Variants in PCSK7 observed in about 807,000 individuals in gnomAD.
PCSK7 encodes proprotein convertase subtilisin/kexin type 7.
A neutral mutation model predicts 73.3 loss-of-function variants in PCSK7; 38 were observed. The observed-to-expected ratio is 0.52, with a 90% CI of 0.40 to 0.68. The LOEUF (loss-of-function observed/expected upper bound fraction) is 0.68. Ranked by LOEUF, PCSK7 falls within the 30% of genes least tolerant of loss-of-function variation. PCSK7 has a pLI of 0.00. For missense variants in PCSK7, 692 were observed against 991.5 expected (o/e 0.70, Z 4.06); for synonymous variants, 296 against 383.8 (o/e 0.77, Z 2.68).
chr11:117,223,400 TG>T (rs1302224603), intron 8 of PCSK7, 92 bp from the exon 9 acceptor site: 65 of 783,498 alleles, frequency 8.3e-5, no homozygotes, highest in Non-Finnish European at 1.4e-4. Flanking sequence ...GTTACCATCC[TG>T]GGGGGCTGTC....
intron 1 of PCSK7, among the ~76,000 whole-genome samples, chr11:117,231,475 CCAGA>C (rs1359832486): frequency 3.3e-5 from 5 of 152,164 alleles, no homozygotes; most frequent in African/African-American, 9.7e-5. Flanking sequence ...CCCTTGTTAG[CCAGA>C]CAGTGGCCCC....
chr11:117,214,557 G>C (rs545761718), intron 12 of PCSK7: 9 of 152,240 alleles, frequency 5.9e-5, no homozygotes, highest in Non-Finnish European at 1.3e-4. Flanking sequence ...TTGCAACAAA[G>C]ACCTCATTAA....
chr11:117,227,596 C>A (rs1372911040), intron 4 of PCSK7, among the ~76,000 whole-genome samples: 1 of 152,190 alleles, frequency 6.6e-6, no homozygotes, highest in East Asian at 1.9e-4. Flanking sequence ...GTGAGCGCCA[C>A]CACACTTGGC....
Position 117,204,998 on chromosome 11 carries a change from G to A in PCSK7, c.*999C>T, listed in dbSNP as rs2031286070. 1 of 197,976 alleles carries A rather than the reference G, an allele frequency of 5.1e-6. No homozygotes were observed. Among genetic ancestry groups the A allele is most frequent in the South Asian group, 1.9e-4 (1 of 5,320 alleles). 12.3% of individuals were successfully genotyped at this position (197,976 alleles called of 1,614,324 possible). ...GGAGAGTGAATCTTGGGGACCGAAGGGAAAAAGGAGCCACTCAGCAGCATG... is the reference window on the plus strand; with the variant it reads ...GGAGAGTGAATCTTGGGGACCGAAGAGAAAAAGGAGCCACTCAGCAGCATG... On this transcript the variant is annotated 3_prime_UTR_variant, in exon 17 of 17. Coordinates refer to ENST00000320934, the MANE Select transcript of PCSK7 (RefSeq NM_004716.4).
chr11:117,219,598 G>T lies in PCSK7; in HGVS notation c.1316C>A (p.Ala439Asp). The T allele has an allele frequency of 6.2e-7, 1 of 1,612,554 alleles. No homozygotes were observed. Among genetic ancestry groups the T allele is most frequent in the Non-Finnish European group, 8.5e-7 (1 of 1,179,464 alleles). ...TACCTGCTGGTATCTCACCCGGGTG[G>T]CTGTGAAGACAATGATGTGCTGGAC... ...RDVQHIIVFT[A>D]TRYEDRRAEW... is the part of the protein sequence containing the mutation. The change falls in exon 10 of 17, where the codon GCC (alanine) becomes GAC (aspartate). Residue 439 changes from alanine (A) to aspartate (D), a missense_variant. Transcript: ENST00000320934.
At chr11:117,227,461 G>A (rs1407321248) in intron 4 of PCSK7, 139 bp from the exon 5 acceptor site, 2 of 723,410 alleles carry the variant, frequency 2.8e-6, no homozygotes, top group East Asian at 5.0e-5. Flanking sequence ...TTCTGTTTTT[G>A]AGATGGAGTC....
At chr11:117,223,891 G>A in intron 8 of PCSK7, 187 bp downstream of exon 8, 4 of 607,830 alleles carry the variant, frequency 6.6e-6, no homozygotes, top group South Asian at 2.0e-5. Context: ...TGGCTTGAAG[G>A]TGTTCCCAGG....
At position 117,207,420 on chromosome 11, in the gene PCSK7, G is replaced by GA. The variant is rs1256637365; in HGVS notation, c.1787-261dup. On this transcript the variant is annotated intron_variant, in intron 14 of 16. Transcript: ENST00000320934. ...TATTTTGGGGGTTCAGCTGGGATTA[G>GA]AAAAAAATGTCTTTCCACCAAATTA... 1.2e-4 allele frequency: 49 copies of GA among 397,404 alleles called. No homozygotes were observed. The East Asian group carries it at 3.2e-3, about 26-fold the overall frequency. The allele number at this position is 397,404 out of a possible 1,614,324, so 24.6% of individuals were successfully genotyped here. A position where few individuals can be genotyped will look rare whatever the true frequency, so the allele number is the denominator to read the frequency against.
rs1398394882 is a variant in PCSK7 at position 117,218,111 on chromosome 11, TTC to T, written c.1534+353_1534+354del. 6.0e-6 allele frequency: 1 copy of T among 166,532 alleles called. No individual in the cohort carries two copies. The highest frequency in any genetic ancestry group is 1.3e-5 in the Non-Finnish European group (1 of 77,702). The allele number at this position is 166,532 out of a possible 1,614,324, so 10.3% of individuals were successfully genotyped here. A position where few individuals can be genotyped will look rare whatever the true frequency, so the allele number is the denominator to read the frequency against. ...CCAGACACCCGAGGACTGACCAGAG[TTC>T]TCTGGCAAGATCTTAGCATGGAAGT... On this transcript the variant is annotated intron_variant, in intron 12 of 16. Transcript: ENST00000320934. The surrounding 1 kb of genome is among the most constrained non-coding windows in gnomAD (Gnocchi z 4.0).
chr11:117,229,546 T>C lies in PCSK7; in HGVS notation c.299A>G (p.Gln100Arg). The C allele has an allele frequency of 1.2e-6, 2 of 1,613,714 alleles. No individual in the cohort carries two copies. Among genetic ancestry groups the C allele is most frequent in the Non-Finnish European group, 1.7e-6 (2 of 1,180,038 alleles). ...GELQGHYLFV[Q>R]PAGHRPALEV... ...CAGGGCCGGCCTGTGCCCAGCAGGC[T>C]GGACAAAGAGGTAGTGCCCCTGAAG... is the stretch of plus-strand genomic sequence containing the variant. Residue 100 changes from glutamine to arginine, a missense_variant, in exon 3 of 17, where the codon CAG becomes CGG. Gln to Arg is a conservative substitution (Grantham distance 43, BLOSUM62 1). This residue lies in a region of PCSK7 where 574 missense variants were observed against 689.8 expected (regional missense o/e 0.83). Transcript: ENST00000320934.
intron 12 of PCSK7, chr11:117,212,908 G>T (rs1043569040): frequency 6.6e-6 from 1 of 152,058 alleles, no homozygotes; most frequent in Non-Finnish European, 1.5e-5. Context: ...TAGAGACAAG[G>T]TTTTGCCATG....
intron 4 of PCSK7, 63 bp downstream of exon 4, chr11:117,228,153 G>A: frequency 1.9e-6 from 3 of 1,539,264 alleles, no homozygotes; most frequent in Non-Finnish European, 2.7e-6. Context: ...GGACAAGACT[G>A]AGGCAACATC....
At chr11:117,230,149 A>G (rs1180197412) in intron 2 of PCSK7, 200 bp downstream of exon 2, 1 of 345,534 alleles carries the variant, frequency 2.9e-6, no homozygotes, top group Admixed American at 4.5e-5. Flanking sequence ...GCTCACAGGC[A>G]CTGCGAGCAA....
chr11:117,224,982 C>A (rs2032358460), intron 6 of PCSK7: 2 of 546,620 alleles, frequency 3.7e-6, no homozygotes, highest in Non-Finnish European at 3.3e-6. Flanking sequence ...TTGTGAATGT[C>A]CCCATAGCCC....
At chr11:117,225,055 CTTT>C (rs571538440) in intron 6 of PCSK7, 31 of 134,346 alleles carry the variant, frequency 2.3e-4, no homozygotes, top group South Asian at 1.7e-3. Context: ...ACATGTAGAC[CTTT>C]TTTTTTTTTT....
rs1055481540 is a variant in PCSK7, at chr11:117,205,746, G to T, written c.*251C>A. On this transcript the variant is annotated 3_prime_UTR_variant, in exon 17 of 17. Coordinates refer to ENST00000320934, the MANE Select transcript of PCSK7 (RefSeq NM_004716.4). ...GATGAGGATGGAGGCCAAACCAAAG[G>T]GGGGCGCCAATCCCCTGTCCAACAC... The T allele has an allele frequency of 2.5e-5, 10 of 394,260 alleles. No individual in the cohort carries two copies. Among genetic ancestry groups the T allele is most frequent in the African/African-American group, 1.6e-4 (8 of 48,790 alleles). 24.4% of individuals were successfully genotyped at this position (394,260 alleles called of 1,614,324 possible).
intron 10 of PCSK7, 44 bp downstream of exon 10, chr11:117,219,547 G>A (rs759811524): frequency 5.1e-5 from 81 of 1,580,738 alleles, no homozygotes; most frequent in Non-Finnish European, 6.4e-5. Context: ...CCGAACTCTG[G>A]AGCAGGCTGG....
intron 5 of PCSK7, chr11:117,226,333 A>C (rs941493646): frequency 1.4e-5 from 5 of 345,526 alleles, no homozygotes; most frequent in South Asian, 2.9e-5. Context: ...ATGGGGTTTC[A>C]CCATATTGGT....
At position 117,230,844 on chromosome 11, in the gene PCSK7, C is replaced by G. The variant is rs188480481; in HGVS notation, c.-132-376G>C. Among the ~76,000 whole-genome samples, 348 of 152,080 alleles carry G rather than the reference C, an allele frequency of 2.3e-3. 1 individual carries two copies. The highest frequency in any genetic ancestry group is 8.0e-3 in the African/African-American group (334 of 41,504). On this transcript the variant is annotated intron_variant, in intron 1 of 16. Coordinates refer to ENST00000320934, the MANE Select transcript of PCSK7 (RefSeq NM_004716.4). ...AGTGAAAGGAGGGAGGCGGCGGGGGCGAAACGGGGAAAGCCAGAGAGTGCA... is the reference window on the plus strand; with the variant it reads ...AGTGAAAGGAGGGAGGCGGCGGGGGGGAAACGGGGAAAGCCAGAGAGTGCA...
Sources: gnomAD v4.1 joint callset for allele counts (sites outside exome capture counted in the v4.1 genomes callset) on GRCh38, gnomAD v4.1.1 for gene constraint, gnomAD v4.1.1 regional missense constraint, Gnocchi (gnomAD v3.1) non-coding constraint, MANE v1.5 for transcripts, NCBI Gene and HGNC (gene_info 2026-07-23, HGNC 2026-07-21) for gene names.